USP24: variants seen among roughly 807,000 people sequenced by gnomAD.
The protein encoded by USP24 is ubiquitin carboxyl-terminal hydrolase 24.
USP24 carries 97 observed loss-of-function variants against 361.6 expected under a neutral mutation model. That is an observed-to-expected ratio of 0.27 (90% CI 0.23 to 0.32). The LOEUF (loss-of-function observed/expected upper bound fraction) is 0.32, where lower values mean the gene tolerates loss of function less well. USP24 is among the 10% of genes least tolerant of loss of function. The pLI, the probability that USP24 is intolerant of heterozygous loss-of-function variation, is 1.00. For missense variants in USP24, 2,353 were observed against 3,165.6 expected (o/e 0.74, Z 6.16); for synonymous variants, 1,098 against 1,124.6 (o/e 0.98, Z 0.47).
intron 24 of USP24, among the ~76,000 whole-genome samples, chr1:55,141,368 C>G (rs1646883985): frequency 6.6e-6 from 1 of 152,016 alleles, no homozygotes; most frequent in East Asian, 1.9e-4. Flanking sequence ...ACCTGTCCAC[C>G]AGGTAGAAGG....
At chr1:55,142,526 G>T (rs939330532) in intron 23 of USP24, among the ~76,000 whole-genome samples, 2 of 152,144 alleles carry the variant, frequency 1.3e-5, no homozygotes, top group African/African-American at 4.8e-5. Context: ...GATGGAGTGG[G>T]GAAGACAGGT....
At chr1:55,075,190 C>CA (rs1645000917) in intron 63 of USP24, among the ~76,000 whole-genome samples, 1 of 151,980 alleles carries the variant, frequency 6.6e-6, no homozygotes, top group Non-Finnish European at 1.5e-5. Context: ...GAAAAAAACT[C>CA]ACAGCACCCC....
At chr1:55,134,464 C>G in intron 28 of USP24, 51 bp from the exon 29 acceptor site, 2 of 1,473,714 alleles carry the variant, frequency 1.4e-6, no homozygotes, top group Non-Finnish European at 9.4e-7. Flanking sequence ...GAATGTTCTC[C>G]TTTCCTAATC....
chr1:55,134,208 A>C, intron 29 of USP24, 45 bp from the exon 30 acceptor site: 1 of 1,593,206 alleles, frequency 6.3e-7, no homozygotes, highest in Non-Finnish European at 8.6e-7. Flanking sequence ...GCCATAGTTT[A>C]ATTCAACAAA....
intron 1 of USP24, among the ~76,000 whole-genome samples, chr1:55,208,850 C>T (rs1004764484): frequency 3.3e-5 from 5 of 151,886 alleles, no homozygotes; most frequent in East Asian, 1.9e-4. Flanking sequence ...GCAGAAGAAT[C>T]GCTTGAAACT....
At position 55,069,102 on chromosome 1, in the gene USP24, T is replaced by C. The variant is rs778072665; in HGVS notation, c.7806A>G (p.Ser2602=). Residue 2602 remains serine, a synonymous_variant, in exon 68 of 68, where the codon TCA becomes TCG. Transcript: ENST00000294383. ...ENGDRHLQQG[S]ESPMMIGELR... ...ACTCACCAATCATCATGGGAGATTC[T>C]GAACCCTGCAGAAAAGAAAAGGAAG... 1 of 1,614,032 alleles carries C rather than the reference T, an allele frequency of 6.2e-7. No homozygotes were observed. Among genetic ancestry groups the C allele is most frequent in the South Asian group, 1.1e-5 (1 of 91,086 alleles).
chr1:55,190,561 C>A (rs1644260017), intron 1 of USP24, among the ~76,000 whole-genome samples: 1 of 152,182 alleles, frequency 6.6e-6, no homozygotes, highest in African/African-American at 2.4e-5. Context: ...AAGATCTTTG[C>A]AATTTAACTT....
intron 35 of USP24, 131 bp downstream of exon 35, chr1:55,124,338 G>C: frequency 9.3e-7 from 1 of 1,075,508 alleles, no homozygotes; most frequent in African/African-American, 1.6e-5. Context: ...AGAGCTTGAT[G>C]AATTTTTACT....
intron 1 of USP24, among the ~76,000 whole-genome samples, chr1:55,211,045 G>A (rs1336783504): frequency 6.6e-6 from 1 of 152,156 alleles, no homozygotes; most frequent in East Asian, 1.9e-4. Context: ...AGTTCTGTGA[G>A]ATGCACAGGA....
chr1:55,138,299 C>A lies in USP24; in HGVS notation c.2928+309G>T, dbSNP rs762674434. ...TCAAGTTTGTGCTCAAATGTCACCACCTCAGAGAGACCTTCCCTGTCCATC... is the reference window on the plus strand; with the variant it reads ...TCAAGTTTGTGCTCAAATGTCACCAACTCAGAGAGACCTTCCCTGTCCATC... On this transcript the variant is annotated intron_variant, in intron 26 of 67. Transcript: ENST00000294383. 1.6e-4 allele frequency among the ~76,000 whole-genome samples: 24 copies of A among 152,148 alleles called. 1 individual carries two copies. Among genetic ancestry groups the A allele is most frequent in the Non-Finnish European group, 1.0e-4 (7 of 68,034 alleles).
chr1:55,154,520 G>A, intron 13 of USP24, 54 bp from the exon 14 acceptor site: 1 of 1,526,662 alleles, frequency 6.6e-7, no homozygotes, highest in South Asian at 1.2e-5. Context: ...GGCAAAATAT[G>A]CAAAAATTTT....
chr1:55,191,690 C>T (rs1644293475), intron 1 of USP24, among the ~76,000 whole-genome samples: 3 of 152,012 alleles, frequency 2.0e-5, no homozygotes, highest in African/African-American at 7.2e-5. Context: ...CGGTGTTTCA[C>T]CATGTTGGCC....
At chr1:55,147,451 A>AT (rs1292016375) in intron 18 of USP24, among the ~76,000 whole-genome samples, 198 bp downstream of exon 18, 1 of 152,216 alleles carries the variant, frequency 6.6e-6, no homozygotes, top group African/African-American at 2.4e-5. Context: ...CAGATCAAAG[A>AT]CAAAAAAAAG....
Position 55,103,860 on chromosome 1 carries a change from C to T in USP24, c.5025+16G>A, listed in dbSNP as rs778420176. On this transcript the variant is annotated intron_variant, in intron 42 of 67. Coordinates refer to ENST00000294383, the MANE Select transcript of USP24 (RefSeq NM_015306.3). ...ATTCTAAAAAAATTAAGTTCATCAACGTCTAGAAAACCTACATCAAACTCC... is the reference window on the plus strand; with the variant it reads ...ATTCTAAAAAAATTAAGTTCATCAATGTCTAGAAAACCTACATCAAACTCC... The T allele has an allele frequency of 2.1e-5, 34 of 1,600,862 alleles. No individual in the cohort carries two copies. Among genetic ancestry groups the T allele is most frequent in the Middle Eastern group, 1.7e-4 (1 of 5,916 alleles).
intron 1 of USP24, among the ~76,000 whole-genome samples, chr1:55,208,638 A>T (rs1644771018): frequency 6.6e-6 from 1 of 150,742 alleles, no homozygotes. Context: ...CAAAAAAATA[A>T]AACAAAACAA....
At chr1:55,150,394 T>C (rs1647160386) in intron 16 of USP24, among the ~76,000 whole-genome samples, 1 of 152,220 alleles carries the variant, frequency 6.6e-6, no homozygotes, top group Non-Finnish European at 1.5e-5. Flanking sequence ...GTGCAATCAC[T>C]GGCATCTTAG....
Position 55,157,320 on chromosome 1 carries a change from A to G in USP24, c.1278T>C (p.Ala426=). The change falls in exon 11 of 68, where the codon GCT becomes GCC. Residue 426 remains alanine, a synonymous_variant. Coordinates refer to ENST00000294383, the MANE Select transcript of USP24 (RefSeq NM_015306.3). ...DSTLSKSVKN[A]IDTDRLLDWL... ...AATCTAATAATCTGTCTGTATCTAT[A>G]GCATTCTTCACAGATTTGGATAAAG... 8 of 1,602,414 alleles carry G rather than the reference A, an allele frequency of 5.0e-6. No homozygotes were observed. Among genetic ancestry groups the G allele is most frequent in the South Asian group, 1.1e-5 (1 of 87,016 alleles).
rs957317624 is a variant in USP24 at position 55,125,611 on chromosome 1, G to A, written c.3731+52C>T. On this transcript the variant is annotated intron_variant, in intron 33 of 67. Coordinates refer to ENST00000294383, the MANE Select transcript of USP24 (RefSeq NM_015306.3). ...CATACTATTTAAAAACATGATTTGC[G>A]AAGAAAAAGTCAAGTATTGCCTGGT... The A allele has an allele frequency of 2.0e-5, 32 of 1,576,344 alleles. No individual in the cohort carries two copies. In the Admixed American group the frequency reaches 3.3e-4, roughly 16 times the overall value.
rs924481570 is a variant in USP24, at chr1:55,215,305, G to C, written c.-192C>G. On this transcript the variant is annotated 5_prime_UTR_variant, in exon 1 of 68. Transcript: ENST00000294383. ...GTCCTGCGAGCCGAGCTAGTGCGGTGAGGCGCTCAGGCGCGGCTGCGGCCC... is the reference window on the plus strand; with the variant it reads ...GTCCTGCGAGCCGAGCTAGTGCGGTCAGGCGCTCAGGCGCGGCTGCGGCCC... 6.6e-6 allele frequency among the ~76,000 whole-genome samples: 1 copy of C among 151,836 alleles called. No individual in the cohort carries two copies.
Sources: allele counts gnomAD v4.1 joint callset (sites outside exome capture counted in the v4.1 genomes callset), GRCh38; gene constraint gnomAD v4.1.1; transcripts MANE v1.5; gene names NCBI Gene and HGNC (gene_info 2026-07-23, HGNC 2026-07-21).